GLYR1: variants seen among roughly 807,000 people sequenced by gnomAD.
GLYR1 encodes the protein cytokine-like nuclear factor N-PAC.
A neutral mutation model predicts 72.7 loss-of-function variants in GLYR1; 21 were observed. The ratio of observed to expected loss-of-function variants is 0.29; its 90% CI spans 0.20 to 0.42. The LOEUF (loss-of-function observed/expected upper bound fraction) is 0.42. Ranked by LOEUF, GLYR1 falls within the 10% of genes least tolerant of loss-of-function variation. GLYR1 has a pLI of 1.00. For synonymous variants in GLYR1, 392 were observed against 270.2 expected (o/e 1.45, Z -4.42); for missense variants, 594 against 712.1 (o/e 0.83, Z 1.89).
intron 5 of GLYR1, among the ~76,000 whole-genome samples, chr16:4,825,656 CT>C (rs34529919): frequency 0.49 from 72,592 of 146,988 alleles, 17,752 homozygotes; most frequent in Admixed American, 0.56. Context: ...TTATCATCTT[CT>C]TTTTTTTTTT....
At chr16:4,810,239 GTAATCCCAGCACTTTGAGAGGCTGAGGC>G (rs2083248445) in intron 15 of GLYR1, among the ~76,000 whole-genome samples, 1 of 127,824 alleles carries the variant, frequency 7.8e-6, no homozygotes, top group Non-Finnish European at 1.8e-5. Flanking sequence ...GCTCACACCT[GTAATCCCAGCACTTTGAGAGGCTGAGGC>G]AGGTGGCTCT....
intron 10 of GLYR1, 72 bp downstream of exon 10, chr16:4,817,526 A>AG (rs1029615609): frequency 2.3e-6 from 2 of 882,772 alleles, no homozygotes; most frequent in African/African-American, 3.3e-5. Flanking sequence ...CTGAGACAAC[A>AG]GGGGGAGATG....
chr16:4,839,281 A>C (rs993625401), intron 3 of GLYR1: 1 of 152,246 alleles, frequency 6.6e-6, no homozygotes, highest in Non-Finnish European at 1.5e-5. Context: ...TTTTGTAGAG[A>C]TGGGTCTTGC....
intron 5 of GLYR1, among the ~76,000 whole-genome samples, chr16:4,828,925 A>G (rs77114140): frequency 0.02 from 3,033 of 152,228 alleles, 101 homozygotes; most frequent in African/African-American, 0.069. Context: ...GGTGAGATGC[A>G]TGGCTTCACA....
chr16:4,811,082 G>A (rs1361104325), intron 15 of GLYR1, 88 bp downstream of exon 15: 4 of 1,491,646 alleles, frequency 2.7e-6, no homozygotes, highest in African/African-American at 2.8e-5. Context: ...TCTAGCCTGG[G>A]TGACAGAGTG....
chr16:4,829,987 A>G (rs1160059736), intron 5 of GLYR1, among the ~76,000 whole-genome samples: 1 of 151,000 alleles, frequency 6.6e-6, no homozygotes, highest in Non-Finnish European at 1.5e-5. Context: ...AAATTTTAAT[A>G]GAGATGGGGT....
At chr16:4,811,083 T>G (rs1298328138) in intron 15 of GLYR1, 87 bp downstream of exon 15, 20 of 1,487,006 alleles carry the variant, frequency 1.3e-5, no homozygotes, top group Non-Finnish European at 1.5e-5. Context: ...CTAGCCTGGG[T>G]GACAGAGTGA....
At chr16:4,807,432 G>C (rs1330391905) in intron 15 of GLYR1, among the ~76,000 whole-genome samples, 1 of 152,010 alleles carries the variant, frequency 6.6e-6, no homozygotes, top group African/African-American at 2.4e-5. Context: ...ATTCTAAAAA[G>C]AAAGTAAGAA....
chr16:4,811,190 T>C lies in GLYR1; in HGVS notation c.1567A>G (p.Met523Val), dbSNP rs1468781047. The change falls in exon 15 of 16, where the codon ATG (methionine) becomes GTG (valine). Residue 523 changes from methionine to valine, a missense_variant. Around this residue, in one of 5 missense-constraint regions of GLYR1, gnomAD observed 266 missense variants for 358.4 expected, o/e 0.74. Transcript: ENST00000321919. ...LGDAVNHPTP[M>V]AAAANEVYKR... The stretch of plus-strand genomic sequence containing the variant: ...CCTACCTCATTTGCTGCAGCTGCCA[T>C]GGGAGTCGGATGGTTGACCGCATCA... 9.3e-6 allele frequency: 15 copies of C among 1,613,592 alleles called. No homozygotes were observed. The Admixed American group carries it at 1.0e-4, about 11-fold the overall frequency.
chr16:4,821,876 T>G (rs757692977), intron 7 of GLYR1, among the ~76,000 whole-genome samples: 15 of 152,068 alleles, frequency 9.9e-5, no homozygotes, highest in Non-Finnish European at 1.6e-4. Flanking sequence ...CAAACTCTCA[T>G]GAGATCCTAG....
At chr16:4,842,480 C>G (rs560325095) in intron 3 of GLYR1, among the ~76,000 whole-genome samples, 67 of 151,320 alleles carry the variant, frequency 4.4e-4, no homozygotes, top group Middle Eastern at 3.4e-3. Context: ...CTTCTGCATA[C>G]CTGGGACTAC....
At chr16:4,824,015 T>G (rs1029942559) in intron 5 of GLYR1, 108 bp from the exon 6 acceptor site, 2 of 773,974 alleles carry the variant, frequency 2.6e-6, no homozygotes, top group Non-Finnish European at 4.3e-6. Flanking sequence ...CAACCACTGT[T>G]CTGATGACCG....
intron 1 of GLYR1, chr16:4,846,880 T>G: frequency 2.8e-6 from 1 of 362,692 alleles, no homozygotes; most frequent in Admixed American, 5.0e-5. Flanking sequence ...GCGCTTCTGC[T>G]TTCTGGGAAG....
intron 9 of GLYR1, among the ~76,000 whole-genome samples, chr16:4,818,481 C>T (rs1329022844): frequency 1.3e-5 from 2 of 151,984 alleles, no homozygotes; most frequent in Non-Finnish European, 2.9e-5. Flanking sequence ...TGGGCTTTTG[C>T]CATGTTACCC....
Position 4,821,439 on chromosome 16 carries a change from G to C in GLYR1, c.747C>G (p.Thr249=). The C allele has an allele frequency of 6.2e-7, 1 of 1,613,968 alleles. No homozygotes were observed. The highest frequency in any genetic ancestry group is 8.5e-7 in the Non-Finnish European group (1 of 1,180,050). The change falls in exon 9 of 16, where the codon ACC becomes ACG. Residue 249 remains threonine, a synonymous_variant. Coordinates refer to ENST00000321919, the MANE Select transcript of GLYR1 (RefSeq NM_032569.4). The stretch of plus-strand genomic sequence containing the variant: ...CTGTGCTGTCAGCTGCCTGGATGGA[G>C]GTGGAGCCAGTTTCCTACGGACAGG... The part of the protein sequence containing the change: ...LKICEEETGS[T]SIQAADSTAV...
In GLYR1 at chr16:4,817,607, A is replaced by G; in HGVS notation, c.897T>C (p.Thr299=). The change falls in exon 10 of 16, where the codon ACT becomes ACC. Residue 299 remains threonine, a synonymous_variant. Transcript: ENST00000321919. Reference sequence around the variant, plus strand: ...ACCCCTGAATGCTTACTTTCTCTGCAGTGCGGTTCCAGACAGTCACTGTGT... The same window carrying G: ...ACCCCTGAATGCTTACTTTCTCTGCGGTGCGGTTCCAGACAGTCACTGTGT... ...MGHTVTVWNR[T]AEKCDLFIQE... is the part of the protein sequence containing the mutation. 6.2e-7 allele frequency: 1 copy of G among 1,606,966 alleles called. No individual in the cohort carries two copies. The highest frequency in any genetic ancestry group is 2.2e-5 in the East Asian group (1 of 44,830).
chr16:4,833,662 A>G (rs1011595860), intron 3 of GLYR1, among the ~76,000 whole-genome samples: 1 of 152,008 alleles, frequency 6.6e-6, no homozygotes, highest in East Asian at 1.9e-4. Flanking sequence ...AAAAAAATAG[A>G]AACAAGATGC....
At chr16:4,841,841 C>T (rs906154103) in intron 3 of GLYR1, among the ~76,000 whole-genome samples, 2 of 152,210 alleles carry the variant, frequency 1.3e-5, no homozygotes, top group Admixed American at 1.3e-4. Context: ...CTCTTCCTTT[C>T]CATAACACCC....
chr16:4,845,633 T>G, intron 2 of GLYR1, among the ~76,000 whole-genome samples: 1 of 151,976 alleles, frequency 6.6e-6, no homozygotes, highest in South Asian at 2.1e-4. Flanking sequence ...AAACACCATA[T>G]TGCAAAGAGA....
Sources: gnomAD v4.1 joint callset for allele counts (sites outside exome capture counted in the v4.1 genomes callset) on GRCh38, gnomAD v4.1.1 for gene constraint, gnomAD v4.1.1 regional missense constraint, MANE v1.5 for transcripts, NCBI Gene and HGNC (gene_info 2026-07-23, HGNC 2026-07-21) for gene names.